Variants in ZUP1 observed in about 807,000 individuals in gnomAD.
ZUP1 encodes the protein zinc finger-containing ubiquitin peptidase 1.
In ZUP1, 55 loss-of-function variants were observed where a neutral mutation model predicts 68.1. The ratio of observed to expected loss-of-function variants is 0.81; its 90% CI spans 0.65 to 1.01. ZUP1 has a LOEUF of 1.01. Ranked by LOEUF, ZUP1 falls within the 50% of genes least tolerant of loss-of-function variation. ZUP1 has a pLI of 0.00. For missense variants in ZUP1, 684 were observed against 674.9 expected, an observed-to-expected ratio of 1.01 and a Z score of -0.15; for synonymous variants, 223 against 221.5, an observed-to-expected ratio of 1.01 and a Z score of -0.06.
At chr6:116,649,375 A>G (rs895351298) in intron 7 of ZUP1, among the ~76,000 whole-genome samples, 1 of 152,218 alleles carries the variant, frequency 6.6e-6, no homozygotes, top group Non-Finnish European at 1.5e-5. Context: ...TACTGAAGGA[A>G]AAAATGATTT....
chr6:116,654,304 A>C (rs1446905580), intron 5 of ZUP1, among the ~76,000 whole-genome samples: 1 of 151,972 alleles, frequency 6.6e-6, no homozygotes, highest in East Asian at 1.9e-4. Flanking sequence ...GGTGGAGAAA[A>C]TGCAGATTCA....
At chr6:116,659,415 C>T (rs1776768866) in intron 3 of ZUP1, among the ~76,000 whole-genome samples, 1 of 152,200 alleles carries the variant, frequency 6.6e-6, no homozygotes, top group Non-Finnish European at 1.5e-5. Context: ...CAGGCGTGAG[C>T]TACCATGCCC....
chr6:116,650,056 G>T (rs1776431832), intron 7 of ZUP1, among the ~76,000 whole-genome samples: 1 of 152,074 alleles, frequency 6.6e-6, no homozygotes, highest in South Asian at 2.1e-4. Context: ...GTAATTGGGG[G>T]ATAAAGTTGA....
intron 4 of ZUP1, among the ~76,000 whole-genome samples, chr6:116,657,198 G>T (rs978891895): frequency 5.9e-5 from 9 of 152,126 alleles, no homozygotes; most frequent in Admixed American, 3.3e-4. Flanking sequence ...AAACTTGTCA[G>T]TCCTTGTTAT....
rs185371238 is a variant in ZUP1 at position 116,637,749 on chromosome 6, C to T, written c.1690-1870G>A. ...TGAAACAAACCTAACTTTATCTAGA[C>T]AAATTAATGATAGGGTTAAAAAAAT... is the stretch of plus-strand genomic sequence containing the variant. On this transcript the variant is annotated intron_variant, in intron 9 of 9. Transcript: ENST00000368576. Among the ~76,000 whole-genome samples the T allele has an allele frequency of 1.6e-4, 24 of 152,284 alleles. No homozygotes were observed. In the East Asian group the frequency reaches 3.3e-3, roughly 21 times the overall value.
chr6:116,663,055 A>G (rs1368360892), intron 2 of ZUP1, among the ~76,000 whole-genome samples: 2 of 152,054 alleles, frequency 1.3e-5, no homozygotes, highest in Non-Finnish European at 2.9e-5. Context: ...CCTTTACCCT[A>G]ATTTACCAAC....
In ZUP1 at chr6:116,644,497, T is replaced by C. The variant is rs181527840; in HGVS notation, c.1689+1217A>G. Among the ~76,000 whole-genome samples the C allele has an allele frequency of 3.3e-3, 495 of 152,284 alleles. 13 individuals carry two copies. Among genetic ancestry groups the C allele is most frequent in the Admixed American group, 0.024 (367 of 15,296 alleles). ...AATGTGGCACATATATACCATGGAA[T>C]ACTATGCAGCCATAAAAAATGATGA... On this transcript the variant is annotated intron_variant, in intron 9 of 9. Transcript: ENST00000368576.
At chr6:116,643,225 G>A (rs1048371564) in intron 9 of ZUP1, among the ~76,000 whole-genome samples, 1 of 152,102 alleles carries the variant, frequency 6.6e-6, no homozygotes, top group South Asian at 2.1e-4. Flanking sequence ...ATGCTCATGG[G>A]TAGGAAGAAT....
In ZUP1 at chr6:116,666,787, G is replaced by A; in HGVS notation, c.406C>T (p.Gln136Ter). The change falls in exon 2 of 10, where the codon CAG becomes TAG. Residue 136 changes from glutamine (Q) to a stop codon, truncating the protein, a stop_gained. Coordinates refer to ENST00000368576, the MANE Select transcript of ZUP1 (RefSeq NM_145062.3). LOFTEE classifies it high-confidence loss of function. ...SRKFLKSREK[Q>*]SSLTEIKGSV... ...CCTTTTATTTCGGTCAGGCTGGACT[G>A]TTTTTCCCTACTTTTCAGGAATTTT... The A allele has an allele frequency of 6.2e-6, 10 of 1,613,670 alleles. No individual in the cohort carries two copies. The South Asian group carries it at 1.1e-4, about 18-fold the overall frequency.
At chr6:116,648,126 G>A (rs1776370738) in intron 7 of ZUP1, among the ~76,000 whole-genome samples, 2 of 152,124 alleles carry the variant, frequency 1.3e-5, no homozygotes, top group South Asian at 4.1e-4. Context: ...GAAAATACTT[G>A]TAAATCATAG....
At chr6:116,656,440 A>G (rs964381084) in intron 5 of ZUP1, among the ~76,000 whole-genome samples, 1 of 152,194 alleles carries the variant, frequency 6.6e-6, no homozygotes, top group Non-Finnish European at 1.5e-5. Context: ...TATGTGGCTC[A>G]CATTATATTT....
chr6:116,653,132 G>A (rs1239485755), intron 5 of ZUP1, among the ~76,000 whole-genome samples: 2 of 151,972 alleles, frequency 1.3e-5, no homozygotes, highest in African/African-American at 4.8e-5. Flanking sequence ...AAGGTGTTAG[G>A]ACAAGGGACA....
chr6:116,641,297 A>G (rs1348412792), intron 9 of ZUP1, among the ~76,000 whole-genome samples: 1 of 152,214 alleles, frequency 6.6e-6, no homozygotes, highest in Non-Finnish European at 1.5e-5. Context: ...GGAAGTTAAC[A>G]AGAATACCCA....
At chr6:116,661,338 C>T (rs1376137037) in intron 2 of ZUP1, among the ~76,000 whole-genome samples, 1 of 147,416 alleles carries the variant, frequency 6.8e-6, no homozygotes, top group Non-Finnish European at 1.5e-5. Context: ...ACAAACCTCT[C>T]ATACCACTCC....
At chr6:116,641,579 C>T (rs1285287061) in intron 9 of ZUP1, among the ~76,000 whole-genome samples, 2 of 152,144 alleles carry the variant, frequency 1.3e-5, no homozygotes, top group Non-Finnish European at 2.9e-5. Flanking sequence ...CAACCTGCTC[C>T]TGAATGACTA....
intron 4 of ZUP1, among the ~76,000 whole-genome samples, 172 bp from the exon 5 acceptor site, chr6:116,657,024 CA>C (rs779429729): frequency 2.3e-5 from 2 of 87,240 alleles, no homozygotes; most frequent in Non-Finnish European, 5.5e-5. Context: ...CACACACACA[CA>C]AAAAAAAATT....
intron 2 of ZUP1, among the ~76,000 whole-genome samples, chr6:116,663,661 C>A (rs1372800856): frequency 1.3e-5 from 2 of 152,120 alleles, no homozygotes; most frequent in African/African-American, 4.8e-5. Context: ...CGTTAACAGG[C>A]CAGACGCAGT....
At chr6:116,657,475 A>C (rs1230131150) in intron 4 of ZUP1, among the ~76,000 whole-genome samples, 1 of 152,222 alleles carries the variant, frequency 6.6e-6, no homozygotes. Context: ...TAAATTACAT[A>C]AGGCATAAAA....
chr6:116,663,933 T>G (rs1456115608), intron 2 of ZUP1, among the ~76,000 whole-genome samples: 1 of 151,338 alleles, frequency 6.6e-6, no homozygotes, highest in East Asian at 2.0e-4. Flanking sequence ...GGTGACATAG[T>G]AAGACCTTGT....
Sources: allele counts gnomAD v4.1 joint callset (sites outside exome capture counted in the v4.1 genomes callset), GRCh38; gene constraint gnomAD v4.1.1; transcripts MANE v1.5; gene names NCBI Gene and HGNC (gene_info 2026-07-23, HGNC 2026-07-21).